The following EPAS1 variants were observed in gnomAD, a reference collection of about 807,000 sequenced individuals.
EPAS1 encodes endothelial PAS domain-containing protein 1.
In EPAS1, 23 loss-of-function variants were observed where a neutral mutation model predicts 87.9. The ratio of observed to expected loss-of-function variants is 0.26; its 90% CI spans 0.19 to 0.37. The LOEUF is 0.37. Among genes scored for constraint, EPAS1 ranks in the 10% least tolerant of loss-of-function variants. The pLI is 1.00. For synonymous variants in EPAS1, 508 were observed against 444.3 expected (o/e 1.14, Z -1.80); for missense variants, 1,138 against 1,120.7 (o/e 1.02, Z -0.22).
rs181432683 is a variant in EPAS1, at chr2:46,328,123, C to T, written c.27-18750C>T. On this transcript the variant is annotated intron_variant, in intron 1 of 15. Transcript: ENST00000263734. ...GGGCTGTTAGTGACCCTGGCTTACACAGGTAAAAAAGAGACTTAACAAAAC... is the reference window on the plus strand; with the variant it reads ...GGGCTGTTAGTGACCCTGGCTTACATAGGTAAAAAAGAGACTTAACAAAAC... 1.6e-4 allele frequency among the ~76,000 whole-genome samples: 24 copies of T among 152,188 alleles called. No homozygotes were observed. The East Asian group carries it at 4.3e-3, about 27-fold the overall frequency.
At chr2:46,348,837 T>G (rs1277583788) in intron 2 of EPAS1, among the ~76,000 whole-genome samples, 2 of 152,236 alleles carry the variant, frequency 1.3e-5, no homozygotes, top group African/African-American at 4.8e-5. Context: ...CTTTGAATGT[T>G]GTGTTGGATT....
intron 1 of EPAS1, among the ~76,000 whole-genome samples, chr2:46,328,779 A>G (rs951673646): frequency 6.6e-6 from 1 of 152,230 alleles, no homozygotes; most frequent in Non-Finnish European, 1.5e-5. Context: ...AATGTACAAT[A>G]TCTTCCCATT....
intron 7 of EPAS1, among the ~76,000 whole-genome samples, chr2:46,373,430 G>A (rs958501687): frequency 4.6e-5 from 7 of 152,236 alleles, no homozygotes; most frequent in South Asian, 2.1e-4. Flanking sequence ...TCCATGCAAC[G>A]GAATACAACT....
chr2:46,309,657 C>T (rs746642153), intron 1 of EPAS1, among the ~76,000 whole-genome samples: 18 of 152,010 alleles, frequency 1.2e-4, no homozygotes, highest in Middle Eastern at 3.2e-3. Flanking sequence ...AGGTGAATTG[C>T]GTAAGTAAAA....
intron 2 of EPAS1, among the ~76,000 whole-genome samples, chr2:46,349,846 TATGAA>T: frequency 6.6e-6 from 1 of 152,356 alleles, no homozygotes; most frequent in Admixed American, 6.5e-5. Flanking sequence ...CATGTAGCGT[TATGAA>T]GAGGAGTACG....
intron 1 of EPAS1, among the ~76,000 whole-genome samples, chr2:46,321,843 T>A (rs1421848953): frequency 6.6e-6 from 1 of 152,136 alleles, no homozygotes; most frequent in Non-Finnish European, 1.5e-5. Context: ...TTATTATATA[T>A]AATAACTGGC....
In EPAS1 at chr2:46,382,017, C is replaced by T. The variant is rs1462311206; in HGVS notation, c.2215C>T (p.Arg739Trp). The stretch of plus-strand genomic sequence containing the variant: ...CAGCACCTCACATTTGATGTGGAAA[C>T]GGATGAAGAACCTCAGGGGTGGGAG... Reference protein sequence around the residue: ...GGSTSHLMWKRMKNLRGGSCP... With the variant: ...GGSTSHLMWKWMKNLRGGSCP... Residue 739 changes from arginine to tryptophan, a missense_variant, in exon 14 of 16, where the codon CGG becomes TGG. By Grantham distance (101) the Arg-to-Trp change is moderately radical (BLOSUM62 -3). This residue lies in a region of EPAS1 where 502 missense variants were observed against 427.1 expected (regional missense o/e 1.18). Transcript: ENST00000263734. 9 of 1,612,538 alleles carry T rather than the reference C, an allele frequency of 5.6e-6. No individual in the cohort carries two copies. In the East Asian group the frequency reaches 6.7e-5, roughly 12 times the overall value.
chr2:46,356,155 CTCTGAAAACGAG>C lies in EPAS1; in HGVS notation c.225_236del (p.Asn77_Glu80del). Reference sequence around the variant, plus strand: ...CCCACCCCCCCCCCTTTCCAGTTTGCTCTGAAAACGAGTCCGAAGCCGAAGCTGACCAGCAGA... The same window carrying C: ...CCCACCCCCCCCCCTTTCCAGTTTGCTCCGAAGCCGAAGCTGACCAGCAGA... On this transcript the variant is annotated inframe_deletion, in exon 3 of 16. Coordinates refer to ENST00000263734, the MANE Select transcript of EPAS1 (RefSeq NM_001430.5). 8.4e-7 allele frequency: 1 copy of C among 1,187,764 alleles called. No individual in the cohort carries two copies. The highest frequency in any genetic ancestry group is 1.2e-6 in the Non-Finnish European group (1 of 831,644). 73.6% of individuals were successfully genotyped at this position (1,187,764 alleles called of 1,614,324 possible).
chr2:46,356,409 C>T, intron 3 of EPAS1, 107 bp downstream of exon 3: 1 of 1,399,582 alleles, frequency 7.1e-7, no homozygotes, highest in Non-Finnish European at 1.0e-6. Flanking sequence ...CCTGCAAATG[C>T]CCACGGTGAC....
intron 1 of EPAS1, among the ~76,000 whole-genome samples, chr2:46,340,435 T>C (rs192061566): frequency 6.6e-6 from 1 of 152,268 alleles, no homozygotes; most frequent in East Asian, 1.9e-4. Flanking sequence ...CTTTCCAGGA[T>C]TCCTCTTTCA....
rs1343272460 is a variant in EPAS1 at position 46,385,179 on chromosome 2, ATTTCAGGGTTTTTT to A, written c.*523_*536del. On this transcript the variant is annotated 3_prime_UTR_variant, in exon 16 of 16. Coordinates refer to ENST00000263734, the MANE Select transcript of EPAS1 (RefSeq NM_001430.5). ...TTTTAAACTAATCACCATATTGTAA[ATTTCAGGGTTTTTT>A]TTTTTTTGTTTAAGCTGACTCTTTG... 1 of 93,474 alleles carries A rather than the reference ATTTCAGGGTTTTTT, an allele frequency of 1.1e-5. No individual in the cohort carries two copies. The highest frequency in any genetic ancestry group is 3.3e-4 in the East Asian group (1 of 3,058). 5.8% of individuals were successfully genotyped at this position (93,474 alleles called of 1,614,324 possible).
At chr2:46,340,997 G>A (rs1354390427) in intron 1 of EPAS1, among the ~76,000 whole-genome samples, 3 of 152,166 alleles carry the variant, frequency 2.0e-5, no homozygotes, top group Admixed American at 2.0e-4. Flanking sequence ...TGTGATTATA[G>A]GCATGAGTCA....
At chr2:46,366,046 G>C (rs79816041) in intron 6 of EPAS1, among the ~76,000 whole-genome samples, 1,919 of 152,304 alleles carry the variant, frequency 0.013, 41 homozygotes, top group African/African-American at 0.044. Flanking sequence ...TCCTTTACTC[G>C]TGTAGGGAAC....
chr2:46,380,712 G>A lies in EPAS1; in HGVS notation c.2040G>A (p.Lys680=), dbSNP rs1368530822. ...CTCCACCCCATGTCTCCACCTTCAA[G>A]ACAAGGTAAGTGGCAGATACTCAGC... ...PVSPPHVSTF[K]TRSAKGFGAR... The change falls in exon 12 of 16, where the codon AAG becomes AAA. Residue 680 remains lysine, a synonymous_variant. Transcript: ENST00000263734. This position sits in a 1 kb window ranked among gnomAD's most constrained non-coding sequence, Gnocchi z 4.4. 2.5e-6 allele frequency: 4 copies of A among 1,610,760 alleles called. No individual in the cohort carries two copies. The highest frequency in any genetic ancestry group is 3.4e-6 in the Non-Finnish European group (4 of 1,180,000).
chr2:46,374,919 C>T (rs1032555706), intron 7 of EPAS1, among the ~76,000 whole-genome samples: 3 of 152,048 alleles, frequency 2.0e-5, no homozygotes, highest in Non-Finnish European at 4.4e-5. Context: ...AAGTAGGAAG[C>T]CTAGCTGGGC....
chr2:46,350,457 C>G (rs1457688603), intron 2 of EPAS1, among the ~76,000 whole-genome samples: 2 of 152,222 alleles, frequency 1.3e-5, no homozygotes, highest in African/African-American at 4.8e-5. Flanking sequence ...GAGGAAACCT[C>G]AACGTTGAGA....
Position 46,376,764 on chromosome 2 carries a change from C to T in EPAS1, c.1249+11C>T. On this transcript the variant is annotated intron_variant, in intron 9 of 15. Transcript: ENST00000263734. ...TCTCTCTGGATTTCGGTGGGTGCTT[C>T]TTAGCTAAGCCAGGCCCCTGGAACC... 6.2e-7 allele frequency: 1 copy of T among 1,611,808 alleles called. No individual in the cohort carries two copies. Among genetic ancestry groups the T allele is most frequent in the Non-Finnish European group, 8.5e-7 (1 of 1,179,828 alleles).
chr2:46,303,919 C>T (rs10166198), intron 1 of EPAS1, among the ~76,000 whole-genome samples: 11,830 of 152,162 alleles, frequency 0.078, 896 homozygotes, highest in African/African-American at 0.19. Context: ...TCTGAGGTGC[C>T]GCTTAATCTT....
chr2:46,357,521 C>G (rs1489555742), intron 4 of EPAS1, among the ~76,000 whole-genome samples: 5 of 152,222 alleles, frequency 3.3e-5, no homozygotes, highest in African/African-American at 1.2e-4. Context: ...AGCTGCCAGG[C>G]CTTCTGAAGG....
Sources: gnomAD v4.1 joint callset for allele counts (sites outside exome capture counted in the v4.1 genomes callset) on GRCh38, gnomAD v4.1.1 for gene constraint, gnomAD v4.1.1 regional missense constraint, Gnocchi (gnomAD v3.1) non-coding constraint, MANE v1.5 for transcripts, NCBI Gene and HGNC (gene_info 2026-07-23, HGNC 2026-07-21) for gene names.